AKAP19: variants seen among roughly 807,000 people sequenced by gnomAD.
AKAP19 encodes the protein A-kinase anchoring protein 19.
the AKAP19 span, among the ~76,000 whole-genome samples, chr2:189,888,286 G>T: frequency 1.3e-5 from 2 of 152,074 alleles, no homozygotes; most frequent in Non-Finnish European, 2.9e-5. Flanking sequence ...TATTTCTGAG[G>T]CCTGTTCTAT....
chr2:190,152,230 G>T, the AKAP19 span, among the ~76,000 whole-genome samples: 1 of 152,160 alleles, frequency 6.6e-6, no homozygotes, highest in Non-Finnish European at 1.5e-5. Context: ...TATCACCTAT[G>T]TTGTTTTCTA....
At chr2:190,185,519 T>C in the AKAP19 span, among the ~76,000 whole-genome samples, 2 of 152,332 alleles carry the variant, frequency 1.3e-5, no homozygotes, top group South Asian at 4.1e-4. Context: ...ATTTATATTA[T>C]GGTGCTGGAG....
At chr2:189,965,602 C>G in the AKAP19 span, among the ~76,000 whole-genome samples, 1 of 151,724 alleles carries the variant, frequency 6.6e-6, no homozygotes, top group Non-Finnish European at 1.5e-5. Flanking sequence ...AGTGTGATAC[C>G]ACCTTACTCC....
At chr2:190,194,519 CGCA>C in the AKAP19 span, among the ~76,000 whole-genome samples, 8 of 150,018 alleles carry the variant, frequency 5.3e-5, no homozygotes, top group South Asian at 2.1e-4. Flanking sequence ...CACACACACA[CGCA>C]GCATCTCCCA....
chr2:190,095,439 G>C, the AKAP19 span: 10 of 152,234 alleles, frequency 6.6e-5, no homozygotes, highest in East Asian at 1.9e-4. Context: ...GTGACCTCAC[G>C]AGGAGGATTA....
At chr2:190,158,256 T>C in the AKAP19 span, among the ~76,000 whole-genome samples, 1 of 152,204 alleles carries the variant, frequency 6.6e-6, no homozygotes. Context: ...TGCTCCCAGC[T>C]GAATAAAGCC....
At chr2:190,085,865 A>G in the AKAP19 span, among the ~76,000 whole-genome samples, 1 of 152,196 alleles carries the variant, frequency 6.6e-6, no homozygotes, top group African/African-American at 2.4e-5. Context: ...TTATAGTGGA[A>G]ATTATGAGCA....
the AKAP19 span, among the ~76,000 whole-genome samples, chr2:189,965,215 A>T: frequency 6.6e-6 from 1 of 152,140 alleles, no homozygotes; most frequent in Non-Finnish European, 1.5e-5. Flanking sequence ...CACACACAAT[A>T]TTTATTAATT....
chr2:190,160,710 T>TAA, the AKAP19 span, among the ~76,000 whole-genome samples: 4 of 151,664 alleles, frequency 2.6e-5, no homozygotes, highest in East Asian at 3.9e-4. Context: ...GATTTTTTTT[T>TAA]AAAAAAGAAG....
chr2:189,998,746 CTCT>C, the AKAP19 span, among the ~76,000 whole-genome samples: 1 of 137,246 alleles, frequency 7.3e-6, no homozygotes, highest in Admixed American at 7.4e-5. Flanking sequence ...TTTTACTTTT[CTCT>C]TCTTTCTTTC....
At chr2:189,967,957 C>A in the AKAP19 span, among the ~76,000 whole-genome samples, 2 of 150,952 alleles carry the variant, frequency 1.3e-5, no homozygotes, top group African/African-American at 4.9e-5. Flanking sequence ...TTGGAGGAAG[C>A]AAATGTTCTG....
chr2:190,117,173 G>T, the AKAP19 span, among the ~76,000 whole-genome samples: 2 of 152,166 alleles, frequency 1.3e-5, no homozygotes, highest in African/African-American at 4.8e-5. Flanking sequence ...CAGCAGTCAG[G>T]TGGCAAGGTG....
At chr2:189,993,798 G>T in the AKAP19 span, among the ~76,000 whole-genome samples, 1 of 152,054 alleles carries the variant, frequency 6.6e-6, no homozygotes, top group African/African-American at 2.4e-5. Context: ...TGCACATAAA[G>T]GTGTTCATAG....
the AKAP19 span, among the ~76,000 whole-genome samples, chr2:190,005,212 A>G: frequency 2.6e-5 from 4 of 152,214 alleles, no homozygotes; most frequent in South Asian, 4.1e-4. Flanking sequence ...AAGCTTCCGC[A>G]GCATGCAGGG....
At chr2:189,899,284 T>A in the AKAP19 span, among the ~76,000 whole-genome samples, 3 of 152,334 alleles carry the variant, frequency 2.0e-5, no homozygotes, top group East Asian at 5.8e-4. Context: ...ACACAGTTTT[T>A]ATAGCTTAGT....
the AKAP19 span, among the ~76,000 whole-genome samples, chr2:190,090,199 T>C: frequency 1.1e-4 from 17 of 152,204 alleles, no homozygotes; most frequent in Non-Finnish European, 2.1e-4. Context: ...AAAGTCCTCA[T>C]CTAGGCAGGT....
the AKAP19 span, among the ~76,000 whole-genome samples, chr2:190,138,314 G>T: frequency 1.3e-5 from 2 of 152,208 alleles, no homozygotes; most frequent in Non-Finnish European, 2.9e-5. Context: ...ACTTGATGAG[G>T]AGTAGATAGG....
the AKAP19 span, among the ~76,000 whole-genome samples, chr2:190,036,010 C>T: frequency 6.6e-6 from 1 of 152,256 alleles, no homozygotes; most frequent in South Asian, 2.1e-4. Context: ...AAGTAGTGCA[C>T]TATTTCAGTG....
the AKAP19 span, among the ~76,000 whole-genome samples, chr2:189,907,618 G>A: frequency 6.6e-5 from 10 of 151,886 alleles, no homozygotes; most frequent in Admixed American, 6.6e-4. Context: ...TTTAGTTATT[G>A]CTGAATCCCC....
Sources: allele counts gnomAD v4.1 joint callset (sites outside exome capture counted in the v4.1 genomes callset), GRCh38; gene constraint gnomAD v4.1.1; transcripts MANE v1.5; gene names NCBI Gene and HGNC (gene_info 2026-07-23, HGNC 2026-07-21).